TMEM182: variants seen among roughly 807,000 people sequenced by gnomAD.
The protein encoded by TMEM182 is transmembrane protein 182.
TMEM182 carries 20 observed loss-of-function variants against 26.8 expected under a neutral mutation model. That is an observed-to-expected ratio of 0.75 (90% confidence interval 0.53 to 1.09). TMEM182 has a LOEUF of 1.09. TMEM182 is among the 50% of genes least tolerant of loss of function. The probability of loss-of-function intolerance (pLI) is 0.00; values close to 1 mark genes in which losing one functional copy is unlikely to be tolerated. For missense variants in TMEM182, 277 were observed against 275.5 expected, an observed-to-expected ratio of 1.01 and a Z score of -0.04; for synonymous variants, 109 against 102.2, an observed-to-expected ratio of 1.07 and a Z score of -0.40.
intron 3 of TMEM182, among the ~76,000 whole-genome samples, chr2:102,787,162 G>T (rs1474049086): frequency 6.6e-6 from 1 of 152,202 alleles, no homozygotes; most frequent in African/African-American, 2.4e-5. Flanking sequence ...AGGAAGGAAG[G>T]ATGCTTTCTC....
intron 3 of TMEM182, among the ~76,000 whole-genome samples, chr2:102,841,350 A>T (rs73944441): frequency 0.02 from 3,058 of 152,252 alleles, 108 homozygotes; most frequent in African/African-American, 0.07. Context: ...GGACAGCCAA[A>T]GCTCTATGGC....
intron 3 of TMEM182, among the ~76,000 whole-genome samples, chr2:102,771,736 C>A (rs1418306549): frequency 6.6e-6 from 1 of 152,168 alleles, no homozygotes; most frequent in Non-Finnish European, 1.5e-5. Flanking sequence ...AATCTCCTCT[C>A]ACGCTAGGAA....
chr2:102,825,992 C>A (rs1260866710), intron 3 of TMEM182, among the ~76,000 whole-genome samples: 2 of 152,174 alleles, frequency 1.3e-5, no homozygotes, highest in East Asian at 3.9e-4. Context: ...GGAACAATTG[C>A]TTGAGGCTAC....
chr2:102,782,227 G>A (rs1453652606), intron 3 of TMEM182, among the ~76,000 whole-genome samples: 1 of 152,044 alleles, frequency 6.6e-6, no homozygotes, highest in Non-Finnish European at 1.5e-5. Context: ...AATCACTTGA[G>A]AGGCAGGAGA....
intron 3 of TMEM182, among the ~76,000 whole-genome samples, chr2:102,835,241 T>C (rs755983825): frequency 1.1e-4 from 16 of 152,206 alleles, no homozygotes; most frequent in Admixed American, 2.6e-4. Context: ...ACATGTAACA[T>C]TGGAATCCAA....
intron 3 of TMEM182, among the ~76,000 whole-genome samples, chr2:102,839,832 A>G (rs1189484711): frequency 6.6e-6 from 1 of 152,214 alleles, no homozygotes; most frequent in East Asian, 1.9e-4. Context: ...TCAGAAGCCC[A>G]GCAATTCTAC....
At chr2:102,763,952 G>A (rs1318745010) in intron 2 of TMEM182, among the ~76,000 whole-genome samples, 1 of 152,108 alleles carries the variant, frequency 6.6e-6, no homozygotes, top group East Asian at 1.9e-4. Context: ...TTAAACTTAA[G>A]TTTATTAGAT....
intron 4 of TMEM182, among the ~76,000 whole-genome samples, chr2:102,813,277 G>T (rs1026232325): frequency 8.5e-5 from 13 of 152,138 alleles, no homozygotes; most frequent in Admixed American, 1.3e-4. Context: ...CCAGGAGAGA[G>T]AGGGCATCCT....
intron 3 of TMEM182, among the ~76,000 whole-genome samples, chr2:102,769,149 A>G (rs572064456): frequency 3.3e-5 from 5 of 152,300 alleles, no homozygotes; most frequent in African/African-American, 1.2e-4. Flanking sequence ...ACAATGCCAC[A>G]TATCCCTCTG....
chr2:102,780,432 G>A (rs1265059648), intron 3 of TMEM182, among the ~76,000 whole-genome samples: 1 of 152,040 alleles, frequency 6.6e-6, no homozygotes, highest in Non-Finnish European at 1.5e-5. Flanking sequence ...TACCAGTCTC[G>A]CTGGGCAAGA....
At chr2:102,763,811 A>G (rs1264055448) in intron 2 of TMEM182, among the ~76,000 whole-genome samples, 2 of 152,216 alleles carry the variant, frequency 1.3e-5, no homozygotes, top group African/African-American at 2.4e-5. Flanking sequence ...CAGACAACAT[A>G]AAAGTGCCTT....
At chr2:102,801,975 T>C (rs966993633) in intron 4 of TMEM182, among the ~76,000 whole-genome samples, 6 of 152,204 alleles carry the variant, frequency 3.9e-5, no homozygotes, top group African/African-American at 1.4e-4. Context: ...AGCTACCCTG[T>C]TGCGTGGGAT....
At chr2:102,762,406 T>C in intron 1 of TMEM182, 57 bp downstream of exon 1, 5 of 1,604,708 alleles carry the variant, frequency 3.1e-6, no homozygotes, top group African/African-American at 1.3e-5. Flanking sequence ...TACCCTTATG[T>C]ATGCTCTTGA....
chr2:102,797,661 G>A (rs972352836), intron 3 of TMEM182: 5 of 548,192 alleles, frequency 9.1e-6, no homozygotes, highest in Middle Eastern at 4.9e-4. Context: ...TTGATTGAAG[G>A]TCACCAGCTT....
intron 3 of TMEM182, among the ~76,000 whole-genome samples, chr2:102,830,801 A>G (rs1683135488): frequency 6.6e-6 from 1 of 152,056 alleles, no homozygotes; most frequent in Admixed American, 6.6e-5. Flanking sequence ...ATTCTTTATA[A>G]CTATTTTTTT....
intron 4 of TMEM182, among the ~76,000 whole-genome samples, chr2:102,804,471 G>T (rs1392629672): frequency 6.6e-6 from 1 of 152,204 alleles, no homozygotes; most frequent in East Asian, 1.9e-4. Flanking sequence ...CCAGGTTGCT[G>T]TGAATGCCTT....
intron 3 of TMEM182, among the ~76,000 whole-genome samples, chr2:102,790,810 A>G (rs1181724462): frequency 2.0e-5 from 3 of 152,158 alleles, no homozygotes; most frequent in Non-Finnish European, 2.9e-5. Context: ...TACTCTTTCT[A>G]TTATATATTT....
intron 4 of TMEM182, among the ~76,000 whole-genome samples, chr2:102,813,666 T>A (rs1028556224): frequency 6.6e-6 from 1 of 152,218 alleles, no homozygotes; most frequent in African/African-American, 2.4e-5. Flanking sequence ...TGTTTCCTTC[T>A]GGCAATTACG....
intron 3 of TMEM182, among the ~76,000 whole-genome samples, chr2:102,779,415 G>T (rs77640714): frequency 6.6e-5 from 10 of 152,136 alleles, no homozygotes; most frequent in Non-Finnish European, 1.0e-4. Context: ...TACTTTTTCA[G>T]CCCTGTCCTA....
Sources: allele counts gnomAD v4.1 joint callset (sites outside exome capture counted in the v4.1 genomes callset), GRCh38; gene constraint gnomAD v4.1.1; transcripts MANE v1.5; gene names NCBI Gene and HGNC (gene_info 2026-07-23, HGNC 2026-07-21).